RUNX3: variants seen among roughly 807,000 people sequenced by gnomAD.
RUNX3 encodes the protein runt-related transcription factor 3.
In RUNX3, 10 loss-of-function variants were observed where a neutral mutation model predicts 27.7. That is an observed-to-expected ratio of 0.36 (90% CI 0.22 to 0.61). The LOEUF is 0.61. Ranked by LOEUF, RUNX3 falls within the 20% of genes least tolerant of loss-of-function variation. The probability of loss-of-function intolerance (pLI) is 0.72; values close to 1 mark genes in which losing one functional copy is unlikely to be tolerated. For missense variants in RUNX3, 469 were observed against 629.5 expected (o/e 0.75, Z 2.73); for synonymous variants, 270 against 269.2 (o/e 1.00, Z -0.03).
At chr1:24,931,437 G>A (rs1347870495), upstream of RUNX3, among the ~76,000 whole-genome samples, 1 of 152,140 alleles carries the variant, frequency 6.6e-6, no homozygotes, top group Non-Finnish European at 1.5e-5. Context: ...CAGACCTAGG[G>A]GCCGGCTACA....
rs1387423616 is a variant in RUNX3, at chr1:24,916,269, C to G, written c.544+2971G>C. 6.6e-6 allele frequency among the ~76,000 whole-genome samples: 1 copy of G among 152,210 alleles called. No homozygotes were observed. The highest frequency in any genetic ancestry group is 2.4e-5 in the African/African-American group (1 of 41,442). ...AGGTTGTGGGGGCACTTCCTGGGGC[C>G]AGGCCCCGGTAAACTCAGTCAACCT... On this transcript the variant is annotated intron_variant, in intron 3 of 4. Transcript: ENST00000308873. The surrounding 1 kb of genome is among the most constrained non-coding windows in gnomAD (Gnocchi z 4.8).
intron 2 of RUNX3, among the ~76,000 whole-genome samples, chr1:24,958,500 A>G (rs1037110580): frequency 2.0e-5 from 3 of 152,106 alleles, no homozygotes; most frequent in African/African-American, 4.8e-5. Flanking sequence ...GGACTGATTC[A>G]CTGTTCCTTG....
intron 2 of RUNX3, among the ~76,000 whole-genome samples, chr1:24,951,013 C>T (rs1371835172): frequency 6.6e-6 from 1 of 152,040 alleles, no homozygotes; most frequent in African/African-American, 2.4e-5. Context: ...TGAGACCCTC[C>T]TGGATAACAT....
At chr1:24,905,574 GC>G (rs1640648526) in intron 4 of RUNX3, among the ~76,000 whole-genome samples, 1 of 152,204 alleles carries the variant, frequency 6.6e-6, no homozygotes, top group African/African-American at 2.4e-5. Context: ...TTTCCTCCCA[GC>G]CCAGGATGGA....
At chr1:24,935,876 G>A (rs1481973263) in intron 2 of RUNX3, among the ~76,000 whole-genome samples, 1 of 152,224 alleles carries the variant, frequency 6.6e-6, no homozygotes, top group Non-Finnish European at 1.5e-5. Flanking sequence ...AGCTCCGAAA[G>A]TAAAGAGCTT....
chr1:24,907,113 G>T, intron 4 of RUNX3, 146 bp downstream of exon 4: 2 of 758,482 alleles, frequency 2.6e-6, no homozygotes, highest in South Asian at 1.9e-5. Context: ...GTCTGCAGGT[G>T]CCAATGAGCA....
chr1:24,925,185 T>C (rs1641075458), intron 2 of RUNX3, among the ~76,000 whole-genome samples: 1 of 152,166 alleles, frequency 6.6e-6, no homozygotes, highest in Non-Finnish European at 1.5e-5. Flanking sequence ...TTCTCTCAGG[T>C]GGGAATTTCC....
chr1:24,947,052 C>A (rs1240140770), intron 2 of RUNX3, among the ~76,000 whole-genome samples: 1 of 152,122 alleles, frequency 6.6e-6, no homozygotes, highest in African/African-American at 2.4e-5. Context: ...TAATAATTAA[C>A]CCACGGAGCT....
intron 2 of RUNX3, among the ~76,000 whole-genome samples, chr1:24,959,251 G>A (rs952967859): frequency 1.5e-4 from 23 of 152,222 alleles, no homozygotes; most frequent in Admixed American, 9.2e-4. Flanking sequence ...GAGTGGGTGC[G>A]GTGAGGCCTG....
At chr1:24,929,368 C>A (rs1641165350) in intron 1 of RUNX3, 2 of 700,548 alleles carry the variant, frequency 2.9e-6, no homozygotes, top group Non-Finnish European at 5.2e-6. Context: ...CCAGGTGGAG[C>A]GGGGCAACCC....
In RUNX3 at chr1:24,963,741, C is replaced by T. The variant is rs550951892; in HGVS notation, c.58+773G>A. ...GGCCAGGGTGCATCAGCCCTAAATG[C>T]CAGACAGAGGCAGGAGAAGTCTCCC... On this transcript the variant is annotated intron_variant, in intron 2 of 6. Coordinates refer to the RUNX3 transcript ENST00000338888. Among the ~76,000 whole-genome samples the T allele has an allele frequency of 4.6e-5, 7 of 152,194 alleles. No individual in the cohort carries two copies. The East Asian group carries it at 1.4e-3, about 29-fold the overall frequency.
chr1:24,902,203 C>T lies in RUNX3; in HGVS notation c.1167G>A (p.Glu389=), dbSNP rs1223664363. The change falls in exon 5 of 5, where the codon GAG becomes GAA. Residue 389 remains glutamate (E), a synonymous_variant. Transcript: ENST00000308873. The surrounding 1 kb of genome is among the most constrained non-coding windows in gnomAD (Gnocchi z 9.2). ...PSLGGQSDGV[E]ADGSHSNSPT... is the part of the protein sequence containing the mutation. Reference sequence around the variant, plus strand: ...GTGAGTTGCTGTGGCTGCCGTCGGCCTCCACGCCATCACTCTGGCCGCCCA... The same window carrying T: ...GTGAGTTGCTGTGGCTGCCGTCGGCTTCCACGCCATCACTCTGGCCGCCCA... 3 of 1,570,540 alleles carry T rather than the reference C, an allele frequency of 1.9e-6. No individual in the cohort carries two copies. The highest frequency in any genetic ancestry group is 3.8e-5 in the Admixed American group (2 of 53,080).
intron 2 of RUNX3, among the ~76,000 whole-genome samples, chr1:24,944,081 T>C (rs1395621): frequency 0.64 from 96,729 of 151,972 alleles, 33,231 homozygotes; most frequent in African/African-American, 0.9. Context: ...CTTATTAAAA[T>C]GTGAGTACTC....
Position 24,907,992 on chromosome 1 carries a change from G to A in RUNX3, c.545-575C>T, listed in dbSNP as rs190959913. On this transcript the variant is annotated intron_variant, in intron 3 of 4. Transcript: ENST00000308873. ...GTGATCTAAACCTCTACAACACGCGGTGATCTAAACCTCTACAACACGCGG... is the reference window on the plus strand; with the variant it reads ...GTGATCTAAACCTCTACAACACGCGATGATCTAAACCTCTACAACACGCGG... 2.6e-3 allele frequency among the ~76,000 whole-genome samples: 394 copies of A among 151,968 alleles called. 11 individuals are homozygous for A. The highest frequency in any genetic ancestry group is 8.7e-3 in the African/African-American group (361 of 41,340).
chr1:24,928,041 A>T (rs2124302879), intron 1 of RUNX3, among the ~76,000 whole-genome samples: 1 of 152,370 alleles, frequency 6.6e-6, no homozygotes, highest in East Asian at 1.9e-4. Flanking sequence ...AGTCACTATG[A>T]TGTGGGGTGC....
chr1:24,964,594 A>G, exon 2 of RUNX3: 1 of 1,602,524 alleles, frequency 6.2e-7, no homozygotes, highest in Non-Finnish European at 8.5e-7. Context: ...AGAAGGCGAG[A>G]ATTTTCAGCC....
chr1:24,925,867 C>T (rs147060596), intron 2 of RUNX3, among the ~76,000 whole-genome samples: 166 of 152,292 alleles, frequency 1.1e-3, no homozygotes, highest in African/African-American at 1.8e-3. Flanking sequence ...TCCCAACCAA[C>T]GCCTTGGAAA....
chr1:24,934,795 G>C (rs1159580654), upstream of RUNX3, among the ~76,000 whole-genome samples: 1 of 152,202 alleles, frequency 6.6e-6, no homozygotes, highest in East Asian at 1.9e-4. Context: ...TGAGTAATGG[G>C]AAGAGCTAGC....
At chr1:24,958,428 C>T (rs191936375) in intron 2 of RUNX3, among the ~76,000 whole-genome samples, 77 of 152,336 alleles carry the variant, frequency 5.1e-4, no homozygotes, top group Middle Eastern at 6.8e-3. Flanking sequence ...CTTTAGACCT[C>T]AGTTTCGTCA....
Sources: allele counts gnomAD v4.1 joint callset (sites outside exome capture counted in the v4.1 genomes callset), GRCh38; gene constraint gnomAD v4.1.1; non-coding constraint Gnocchi (gnomAD v3.1); transcripts MANE v1.5; gene names NCBI Gene and HGNC (gene_info 2026-07-23, HGNC 2026-07-21).